TRAF1: variants seen among roughly 807,000 people sequenced by gnomAD.
The protein encoded by TRAF1 is TNF receptor associated factor 1.
A neutral mutation model predicts 40.9 loss-of-function variants in TRAF1; 23 were observed. The observed-to-expected ratio is 0.56, with a 90% CI of 0.40 to 0.80. TRAF1 has a LOEUF of 0.80. Among genes scored for constraint, TRAF1 ranks in the 30% least tolerant of loss-of-function variants. The pLI is 0.00. For missense variants in TRAF1, 477 were observed against 528.7 expected (o/e 0.90, Z 0.96); for synonymous variants, 206 against 218.8 (o/e 0.94, Z 0.52).
intron 6 of TRAF1, among the ~76,000 whole-genome samples, chr9:120,911,018 C>A (rs1376796053): frequency 6.6e-6 from 1 of 152,236 alleles, no homozygotes; most frequent in African/African-American, 2.4e-5. Flanking sequence ...CCTTCACATC[C>A]CAAACCCATG....
At chr9:120,923,831 C>T (rs1564121958) in intron 2 of TRAF1, 39 bp from the exon 3 acceptor site, 4 of 1,572,972 alleles carry the variant, frequency 2.5e-6, no homozygotes, top group East Asian at 2.2e-5. Flanking sequence ...AGAGGCACTA[C>T]AGCTCCCTGC....
chr9:120,909,918 A>T (rs1031453089), intron 6 of TRAF1, among the ~76,000 whole-genome samples: 3 of 151,758 alleles, frequency 2.0e-5, no homozygotes, highest in Admixed American at 1.3e-4. Context: ...GGTGACTCAC[A>T]GTTCTGCCCT....
chr9:120,913,784 G>T, intron 4 of TRAF1, 46 bp from the exon 5 acceptor site: 1 of 1,512,758 alleles, frequency 6.6e-7, no homozygotes, highest in African/African-American at 1.4e-5. Flanking sequence ...GGTGGAGTGA[G>T]GACAGGGGAG....
intron 2 of TRAF1, among the ~76,000 whole-genome samples, chr9:120,924,100 C>T (rs1419559142): frequency 6.6e-6 from 1 of 152,266 alleles, no homozygotes; most frequent in South Asian, 2.1e-4. Flanking sequence ...TGCTTGATTA[C>T]AGGGCACTGC....
rs1249738381 is a variant in TRAF1, at chr9:120,903,185, G to C, written c.*1835C>G. ...CTCCACTGCCTCCACAGTCTCCGCT[G>C]CCACGCTGTCAGCCGTGGGAACAAT... is the stretch of plus-strand genomic sequence containing the variant. On this transcript the variant is annotated 3_prime_UTR_variant, in exon 8 of 8. Transcript: ENST00000373887. 1 of 152,282 alleles carries C rather than the reference G, an allele frequency of 6.6e-6. No individual in the cohort carries two copies. The highest frequency in any genetic ancestry group is 1.5e-5 in the Non-Finnish European group (1 of 68,054). 9.4% of individuals were successfully genotyped at this position (152,282 alleles called of 1,614,324 possible).
At chr9:120,913,872 G>T in intron 4 of TRAF1, 134 bp from the exon 5 acceptor site, 1 of 1,055,308 alleles carries the variant, frequency 9.5e-7, no homozygotes, top group Non-Finnish European at 1.3e-6. Context: ...TCTGTACAGT[G>T]GGAGGGATTC....
In TRAF1 at chr9:120,918,753, G is replaced by A. The variant is rs188963054; in HGVS notation, c.229-4453C>T. On this transcript the variant is annotated intron_variant, in intron 3 of 7. Transcript: ENST00000373887. ...CACCTTAACACAGGCAGAAACAGAG[G>A]GAATGGCTTAAGGTCATGCTGAGCT... Among the ~76,000 whole-genome samples, 128 of 152,316 alleles carry A rather than the reference G, an allele frequency of 8.4e-4. 2 individuals are homozygous for A. Among genetic ancestry groups the A allele is most frequent in the Admixed American group, 6.2e-3 (95 of 15,302 alleles).
chr9:120,914,476 A>G, intron 3 of TRAF1, 176 bp from the exon 4 acceptor site: 1 of 1,220,158 alleles, frequency 8.2e-7, no homozygotes, highest in Non-Finnish European at 1.0e-6. Context: ...CCCTTCCATG[A>G]CCTTCCTTCA....
chr9:120,914,600 CG>C (rs570143184), intron 3 of TRAF1: 9 of 1,056,128 alleles, frequency 8.5e-6, no homozygotes, highest in East Asian at 1.3e-4. Flanking sequence ...CCCGACTGGT[CG>C]GGGGGGCTCT....
intron 6 of TRAF1, among the ~76,000 whole-genome samples, chr9:120,909,867 T>C (rs1331208215): frequency 6.6e-6 from 1 of 152,202 alleles, no homozygotes; most frequent in African/African-American, 2.4e-5. Context: ...TGCTGCCCTA[T>C]GCCAACTGGC....
chr9:120,915,258 T>C (rs1016916114), intron 3 of TRAF1, among the ~76,000 whole-genome samples: 3 of 152,226 alleles, frequency 2.0e-5, no homozygotes, highest in Non-Finnish European at 4.4e-5. Context: ...ACACCGAAAC[T>C]CTGTGACAGC....
Position 120,926,025 on chromosome 9 carries a change from C to T in TRAF1, c.51G>A (p.Glu17=). ...SSPRPAPDEN[E]FPFGCPPTVC... is the part of the protein sequence containing the mutation. ...CGGTGGGAGGGCACCCAAAGGGAAA[C>T]TCATTCTCATCAGGGGCCGGGCGAG... The change falls in exon 2 of 8, where the codon GAG becomes GAA. Residue 17 remains glutamate, a synonymous_variant. Coordinates refer to ENST00000373887, the MANE Select transcript of TRAF1 (RefSeq NM_005658.5). 6.2e-7 allele frequency: 1 copy of T among 1,612,480 alleles called. No homozygotes were observed. Among genetic ancestry groups the T allele is most frequent in the South Asian group, 1.1e-5 (1 of 90,986 alleles).
intron 5 of TRAF1, 121 bp downstream of exon 5, chr9:120,913,207 T>TA: frequency 8.1e-7 from 1 of 1,234,212 alleles, no homozygotes; most frequent in East Asian, 2.6e-5. Flanking sequence ...AAAGGGGAGA[T>TA]ACGTTTTGAT....
upstream of TRAF1, chr9:120,928,455 C>T (rs1375670064): frequency 6.5e-6 from 1 of 152,676 alleles, no homozygotes; most frequent in Admixed American, 6.5e-5. Context: ...GCACCTGACC[C>T]GGCTCTCAGC....
intron 7 of TRAF1, among the ~76,000 whole-genome samples, chr9:120,908,227 A>C (rs7866003): frequency 2.4e-4 from 37 of 152,122 alleles, no homozygotes; most frequent in African/African-American, 8.9e-4. Flanking sequence ...TATCTAAAAA[A>C]TTTTTTAACT....
In TRAF1 at chr9:120,914,286, C is replaced by T. The variant is rs747016359; in HGVS notation, c.243G>A (p.Val81=). The T allele has an allele frequency of 6.5e-7, 1 of 1,534,748 alleles. No individual in the cohort carries two copies. Among genetic ancestry groups the T allele is most frequent in the East Asian group, 2.4e-5 (1 of 42,396 alleles). ...AGGGGCACCCAATTCCAGCCTCAGC[C>T]ACCTCGGGGTGAGCCTGGAAATAAT... The part of the protein sequence containing the change: ...LRTQEKAHPE[V]AEAGIGCPFA... The change falls in exon 4 of 8, where the codon GTG becomes GTA. Residue 81 remains valine (V), a synonymous_variant. Coordinates refer to ENST00000373887, the MANE Select transcript of TRAF1 (RefSeq NM_005658.5).
intron 7 of TRAF1, 83 bp downstream of exon 7, chr9:120,909,147 C>T: frequency 1.3e-6 from 2 of 1,528,604 alleles, no homozygotes; most frequent in Non-Finnish European, 1.8e-6. Flanking sequence ...TGCCAGGTCA[C>T]ATGGCCAATT....
intron 3 of TRAF1, 52 bp downstream of exon 3, chr9:120,923,653 C>T: frequency 1.3e-6 from 2 of 1,599,952 alleles, no homozygotes. Flanking sequence ...TGGCTTCAAC[C>T]TGGAAAAATC....
intron 4 of TRAF1, 107 bp from the exon 5 acceptor site, chr9:120,913,845 G>A: frequency 7.6e-7 from 1 of 1,309,866 alleles, no homozygotes; most frequent in Non-Finnish European, 1.0e-6. Context: ...CATTCACCCA[G>A]CAAAAAGGAG....
Sources: allele counts gnomAD v4.1 joint callset (sites outside exome capture counted in the v4.1 genomes callset), GRCh38; gene constraint gnomAD v4.1.1; transcripts MANE v1.5; gene names NCBI Gene and HGNC (gene_info 2026-07-23, HGNC 2026-07-21).